Variants in CSMD1 observed in about 807,000 individuals in gnomAD.
The protein encoded by CSMD1 is CUB and sushi domain-containing protein 1.
CSMD1 carries 213 observed loss-of-function variants against 417.5 expected under a neutral mutation model. The observed-to-expected ratio is 0.51, with a 90% CI of 0.46 to 0.57. The LOEUF is 0.57. Ranked by LOEUF, CSMD1 falls within the 20% of genes least tolerant of loss-of-function variation. The probability of loss-of-function intolerance (pLI) is 0.00; values close to 1 mark genes in which losing one functional copy is unlikely to be tolerated. For missense variants in CSMD1, 6,923 were observed against 4,529.7 expected (o/e 1.53, Z -15.17); for synonymous variants, 2,862 against 1,736.8 (o/e 1.65, Z -16.11).
intron 5 of CSMD1, among the ~76,000 whole-genome samples, chr8:3,970,192 G>C (rs1291337228): frequency 7.0e-6 from 1 of 142,086 alleles, no homozygotes; most frequent in African/African-American, 2.5e-5. Context: ...TTGAACAAGG[G>C]ACTTTCTTTT....
intron 1 of CSMD1, among the ~76,000 whole-genome samples, chr8:4,785,858 G>T (rs543226461): frequency 6.6e-6 from 1 of 152,122 alleles, no homozygotes; most frequent in Non-Finnish European, 1.5e-5. Flanking sequence ...TGTTCTTCAT[G>T]ATCCTAAGAC....
intron 5 of CSMD1, among the ~76,000 whole-genome samples, chr8:3,794,064 T>A (rs534418100): frequency 6.6e-4 from 100 of 152,278 alleles, no homozygotes; most frequent in African/African-American, 2.0e-3. Context: ...TGTTCCACCA[T>A]CATTGGCTTC....
At position 4,142,412 on chromosome 8, in the gene CSMD1, T is replaced by G. The variant is rs139720287; in HGVS notation, c.416-110313A>C. On this transcript the variant is annotated intron_variant, in intron 3 of 69. Coordinates refer to ENST00000635120, the MANE Select transcript of CSMD1 (RefSeq NM_033225.6). Reference sequence around the variant, plus strand: ...AGGACAGTTTTCTTTGGGTCAATATTTCTGCCTGCTACCATAACAGAACTA... The same window carrying G: ...AGGACAGTTTTCTTTGGGTCAATATGTCTGCCTGCTACCATAACAGAACTA... Among the ~76,000 whole-genome samples the G allele has an allele frequency of 1.5e-4, 22 of 151,150 alleles. No homozygotes were observed. In the East Asian group the frequency reaches 1.9e-3, roughly 13 times the overall value.
chr8:3,489,436 A>C (rs537675138), intron 11 of CSMD1, among the ~76,000 whole-genome samples: 1 of 152,190 alleles, frequency 6.6e-6, no homozygotes, highest in Non-Finnish European at 1.5e-5. Context: ...CCTGGTTACC[A>C]ATGGCTAATA....
rs912805671 is a variant in CSMD1 at position 3,154,594 on chromosome 8, T to C, written c.5915-3081A>G. On this transcript the variant is annotated intron_variant, in intron 39 of 69. Coordinates refer to ENST00000635120, the MANE Select transcript of CSMD1 (RefSeq NM_033225.6). ...TTTACTGAAGGACACAGACACACCA[T>C]GCTGAAGAGCCCTGCGGTGCAGTGA... Among the ~76,000 whole-genome samples the C allele has an allele frequency of 3.4e-4, 51 of 152,182 alleles. 1 individual carries two copies. The highest frequency in any genetic ancestry group is 8.8e-5 in the Non-Finnish European group (6 of 68,026).
chr8:3,618,898 C>G (rs1336516831), intron 7 of CSMD1, among the ~76,000 whole-genome samples: 1 of 152,156 alleles, frequency 6.6e-6, no homozygotes, highest in Non-Finnish European at 1.5e-5. Context: ...GAGAAAGTGG[C>G]TGGCAGCACG....
intron 2 of CSMD1, among the ~76,000 whole-genome samples, chr8:4,593,376 A>G (rs528496270): frequency 2.0e-5 from 3 of 152,338 alleles, no homozygotes; most frequent in South Asian, 2.1e-4. Flanking sequence ...AAAATTAAGC[A>G]TAATAATTTT....
chr8:4,201,953 C>T (rs1037822274), intron 3 of CSMD1, among the ~76,000 whole-genome samples: 2 of 149,666 alleles, frequency 1.3e-5, no homozygotes, highest in Non-Finnish European at 3.0e-5. Context: ...ACCACAAAAA[C>T]CCTGAGACAG....
At chr8:4,189,155 G>C (rs924928033) in intron 3 of CSMD1, among the ~76,000 whole-genome samples, 3 of 152,234 alleles carry the variant, frequency 2.0e-5, no homozygotes, top group African/African-American at 7.2e-5. Context: ...TCATCTCTGA[G>C]TTCACAGAAG....
intron 1 of CSMD1, among the ~76,000 whole-genome samples, chr8:4,892,986 T>G (rs1804224842): frequency 6.6e-6 from 1 of 152,130 alleles, no homozygotes; most frequent in Admixed American, 6.5e-5. Flanking sequence ...AGGAATACGC[T>G]TGCACGGTGT....
intron 2 of CSMD1, among the ~76,000 whole-genome samples, chr8:4,544,452 T>C (rs775495777): frequency 1.3e-5 from 2 of 152,266 alleles, no homozygotes; most frequent in South Asian, 4.1e-4. Context: ...TGTAGTTTAC[T>C]CTTTCCTTGT....
At chr8:4,715,815 T>C (rs1808618251) in intron 1 of CSMD1, among the ~76,000 whole-genome samples, 1 of 152,172 alleles carries the variant, frequency 6.6e-6, no homozygotes, top group South Asian at 2.1e-4. Context: ...TCTCTAGCAC[T>C]ACCCCTCTGG....
chr8:3,901,126 T>A (rs190438235), intron 5 of CSMD1, among the ~76,000 whole-genome samples: 5 of 152,060 alleles, frequency 3.3e-5, no homozygotes, highest in African/African-American at 1.2e-4. Context: ...TGGGGGAGGG[T>A]CATGAATGTA....
At chr8:4,246,430 G>A (rs568776828) in intron 3 of CSMD1, among the ~76,000 whole-genome samples, 1 of 152,110 alleles carries the variant, frequency 6.6e-6, no homozygotes, top group Non-Finnish European at 1.5e-5. Context: ...TAGAGAAAGG[G>A]CACTCCATTT....
At chr8:4,015,376 T>C (rs1796472005) in intron 4 of CSMD1, among the ~76,000 whole-genome samples, 1 of 152,154 alleles carries the variant, frequency 6.6e-6, no homozygotes, top group Admixed American at 6.5e-5. Context: ...TTTTCATCTC[T>C]AGTAGCAGAA....
rs115333383 is a variant in CSMD1, at chr8:3,964,774, T to C, written c.818+33129A>G. ...TCCTGTATCCTTCATAAAGGACTAA[T>C]GTATCCAACAATTATTTGCTGACAA... On this transcript the variant is annotated intron_variant, in intron 5 of 69. Coordinates refer to ENST00000635120, the MANE Select transcript of CSMD1 (RefSeq NM_033225.6). Among the ~76,000 whole-genome samples, 1,079 of 152,348 alleles carry C rather than the reference T, an allele frequency of 7.1e-3. 13 individuals are homozygous for C. Among genetic ancestry groups the C allele is most frequent in the African/African-American group, 0.024 (1,009 of 41,592 alleles).
chr8:3,970,466 G>C (rs570877539), intron 5 of CSMD1, among the ~76,000 whole-genome samples: 3 of 152,128 alleles, frequency 2.0e-5, no homozygotes, highest in African/African-American at 7.2e-5. Context: ...TGTCTCTTCT[G>C]TAAACCAGAA....
intron 3 of CSMD1, among the ~76,000 whole-genome samples, chr8:4,211,881 T>C (rs1186509748): frequency 6.6e-6 from 1 of 152,170 alleles, no homozygotes; most frequent in Non-Finnish European, 1.5e-5. Context: ...CAACATCATA[T>C]CTACAGAAAA....
intron 2 of CSMD1, among the ~76,000 whole-genome samples, chr8:4,544,542 A>G (rs1234715622): frequency 2.0e-5 from 3 of 152,158 alleles, no homozygotes; most frequent in African/African-American, 7.2e-5. Context: ...AAAATTACTT[A>G]TAAGGCTTTA....
Sources: gnomAD v4.1 joint callset for allele counts (sites outside exome capture counted in the v4.1 genomes callset) on GRCh38, gnomAD v4.1.1 for gene constraint, MANE v1.5 for transcripts, NCBI Gene and HGNC (gene_info 2026-07-23, HGNC 2026-07-21) for gene names.